The following ARHGAP21 variants were observed in gnomAD, a reference collection of about 807,000 sequenced individuals.
ARHGAP21 encodes Rho GTPase activating protein 21.
A neutral mutation model predicts 164.6 loss-of-function variants in ARHGAP21; 38 were observed. That is an observed-to-expected ratio of 0.23 (90% confidence interval 0.18 to 0.30). ARHGAP21 has a LOEUF of 0.30. ARHGAP21 is among the 10% of genes least tolerant of loss of function. The probability of loss-of-function intolerance (pLI) is 1.00; values close to 1 mark genes in which losing one functional copy is unlikely to be tolerated. For missense variants in ARHGAP21, 1,822 were observed against 2,370.7 expected (o/e 0.77, Z 4.81); for synonymous variants, 766 against 857.9 (o/e 0.89, Z 1.87).
chr10:24,671,696 T>G (rs2131793084), intron 2 of ARHGAP21, among the ~76,000 whole-genome samples: 1 of 152,068 alleles, frequency 6.6e-6, no homozygotes, highest in African/African-American at 2.4e-5. Flanking sequence ...CATACACATA[T>G]TTTGTAATTT....
At chr10:24,646,237 A>G (rs1164171457) in intron 4 of ARHGAP21, among the ~76,000 whole-genome samples, 2 of 152,170 alleles carry the variant, frequency 1.3e-5, no homozygotes, top group Admixed American at 6.6e-5. Context: ...CGTACTTTCA[A>G]TGTAGGCTAA....
intron 8 of ARHGAP21, 51 bp from the exon 9 acceptor site, chr10:24,621,420 T>A (rs372773944): frequency 6.9e-7 from 1 of 1,454,522 alleles, no homozygotes. Flanking sequence ...AAAAGAATAA[T>A]AATTTCCATT....
At chr10:24,702,127 CTTTTTT>C (rs71798625) in intron 2 of ARHGAP21, among the ~76,000 whole-genome samples, 3 of 104,606 alleles carry the variant, frequency 2.9e-5, no homozygotes, top group African/African-American at 1.1e-4. Flanking sequence ...ACTTCCGGTT[CTTTTTT>C]TTTTTTTTTT....
chr10:24,617,418 TA>T (rs35638840), intron 9 of ARHGAP21, among the ~76,000 whole-genome samples: 1 of 152,152 alleles, frequency 6.6e-6, no homozygotes, highest in Non-Finnish European at 1.5e-5. Context: ...TTTTACATTT[TA>T]AAACTTCATA....
At chr10:24,673,046 T>A (rs1232326910) in intron 2 of ARHGAP21, among the ~76,000 whole-genome samples, 1 of 152,106 alleles carries the variant, frequency 6.6e-6, no homozygotes, top group Non-Finnish European at 1.5e-5. Context: ...TTAAGAGATA[T>A]TAAAGAATAA....
intron 2 of ARHGAP21, among the ~76,000 whole-genome samples, chr10:24,677,266 T>C (rs1362973888): frequency 2.0e-5 from 3 of 152,204 alleles, no homozygotes; most frequent in African/African-American, 7.2e-5. Flanking sequence ...CAAGCTCCAT[T>C]GTCTTTTCAA....
chr10:24,718,796 T>C (rs895744381), intron 2 of ARHGAP21, among the ~76,000 whole-genome samples: 3 of 152,190 alleles, frequency 2.0e-5, no homozygotes, highest in Non-Finnish European at 2.9e-5. Flanking sequence ...CAAAAATAAG[T>C]TCATTTGCAT....
intron 7 of ARHGAP21, among the ~76,000 whole-genome samples, chr10:24,626,100 G>A (rs1326045938): frequency 1.3e-5 from 2 of 152,160 alleles, no homozygotes; most frequent in African/African-American, 4.8e-5. Context: ...GGTTTAAAAT[G>A]TCCTGGCCAA....
At chr10:24,628,770 T>C (rs1050924385) in intron 7 of ARHGAP21, among the ~76,000 whole-genome samples, 15 of 107,196 alleles carry the variant, frequency 1.4e-4, no homozygotes, top group African/African-American at 4.0e-4. Flanking sequence ...TGTGTGTGTG[T>C]GCATATATAT....
chr10:24,720,254 C>CAAAAAAAAAAAAA (rs55746821), intron 2 of ARHGAP21, among the ~76,000 whole-genome samples: 1 of 133,830 alleles, frequency 7.5e-6, no homozygotes. Context: ...CTTAAATGAC[C>CAAAAAAAAAAAAA]AAAAAAAAAA....
chr10:24,652,002 C>T (rs1268924671), intron 4 of ARHGAP21, among the ~76,000 whole-genome samples: 1 of 152,090 alleles, frequency 6.6e-6, no homozygotes, highest in Non-Finnish European at 1.5e-5. Context: ...TGGAATAGAA[C>T]AAAGGTTGGC....
chr10:24,666,802 CAA>C (rs1215994290), intron 4 of ARHGAP21, among the ~76,000 whole-genome samples, 181 bp downstream of exon 4: 1 of 152,048 alleles, frequency 6.6e-6, no homozygotes, highest in Non-Finnish European at 1.5e-5. Flanking sequence ...TAAGATGAGA[CAA>C]TGGAATTCAT....
intron 24 of ARHGAP21, chr10:24,589,562 CAG>C: frequency 2.4e-6 from 1 of 412,656 alleles, no homozygotes; most frequent in South Asian, 3.7e-5. Flanking sequence ...TAAACAAAAA[CAG>C]AAACACTCGT....
intron 2 of ARHGAP21, among the ~76,000 whole-genome samples, chr10:24,717,285 A>T (rs190966754): frequency 1.3e-5 from 2 of 152,328 alleles, no homozygotes; most frequent in Admixed American, 1.3e-4. Context: ...AATAAAATGT[A>T]AAGCCTTTCC....
At chr10:24,590,250 A>G in intron 24 of ARHGAP21, 2 of 1,483,848 alleles carry the variant, frequency 1.3e-6, no homozygotes, top group Non-Finnish European at 1.8e-6. Context: ...AACAAGAAAC[A>G]GCAGAAAAAC....
At chr10:24,601,374 G>A (rs1333534715) in intron 13 of ARHGAP21, among the ~76,000 whole-genome samples, 1 of 152,084 alleles carries the variant, frequency 6.6e-6, no homozygotes, top group African/African-American at 2.4e-5. Context: ...ACTTTATATG[G>A]CTAAGCAACT....
chr10:24,617,238 T>TTTCTATACTATA (rs1834036579), intron 9 of ARHGAP21, among the ~76,000 whole-genome samples: 1 of 152,230 alleles, frequency 6.6e-6, no homozygotes, highest in Admixed American at 6.5e-5. Context: ...AATTGTTTTA[T>TTTCTATACTATA]TTCTATACTT....
intron 23 of ARHGAP21, 44 bp from the exon 24 acceptor site, chr10:24,591,374 T>C (rs2076322666): frequency 1.3e-6 from 2 of 1,495,296 alleles, no homozygotes; most frequent in Admixed American, 1.9e-5. Context: ...TCTTCAAAGA[T>C]ACTTTCTTTA....
chr10:24,676,818 T>A (rs1228628033), intron 2 of ARHGAP21, among the ~76,000 whole-genome samples: 1 of 152,218 alleles, frequency 6.6e-6, no homozygotes, highest in Admixed American at 6.5e-5. Flanking sequence ...TTTCTCATCA[T>A]TAAAATAAGA....
Sources: allele counts gnomAD v4.1 joint callset (sites outside exome capture counted in the v4.1 genomes callset), GRCh38; gene constraint gnomAD v4.1.1; transcripts MANE v1.5; gene names NCBI Gene and HGNC (gene_info 2026-07-23, HGNC 2026-07-21).